Variants in SPOCK1 observed in about 807,000 individuals in gnomAD.
SPOCK1 encodes SPARC (osteonectin), cwcv and kazal like domains proteoglycan 1.
Under a neutral mutation model 55.3 loss-of-function variants are expected in SPOCK1, and 23 were observed. The ratio of observed to expected loss-of-function variants is 0.42; its 90% CI spans 0.30 to 0.59. The LOEUF (loss-of-function observed/expected upper bound fraction) is 0.59. Among genes scored for constraint, SPOCK1 ranks in the 20% least tolerant of loss-of-function variants. The pLI, the probability that SPOCK1 is intolerant of heterozygous loss-of-function variation, is 0.22. For synonymous variants in SPOCK1, 226 were observed against 221.0 expected (o/e 1.02, Z -0.20); for missense variants, 499 against 552.5 (o/e 0.90, Z 0.97).
chr5:137,362,486 C>T (rs1007015129), intron 2 of SPOCK1, among the ~76,000 whole-genome samples: 1 of 152,004 alleles, frequency 6.6e-6, no homozygotes, highest in Non-Finnish European at 1.5e-5. Context: ...CCCGCCACCA[C>T]GCCCGGCTAA....
At chr5:137,476,600 A>C (rs1325276365) in intron 2 of SPOCK1, among the ~76,000 whole-genome samples, 1 of 152,164 alleles carries the variant, frequency 6.6e-6, no homozygotes, top group Non-Finnish European at 1.5e-5. Flanking sequence ...GGGGCAGGGC[A>C]GGTGTGCAGC....
At chr5:137,100,552 C>T (rs1365656251) in intron 5 of SPOCK1, among the ~76,000 whole-genome samples, 4 of 152,206 alleles carry the variant, frequency 2.6e-5, no homozygotes, top group Non-Finnish European at 5.9e-5. Context: ...AGAAATACTT[C>T]TAATGAGCTC....
chr5:137,037,711 A>T (rs1751911038), intron 6 of SPOCK1, among the ~76,000 whole-genome samples: 1 of 151,960 alleles, frequency 6.6e-6, no homozygotes, highest in Non-Finnish European at 1.5e-5. Flanking sequence ...TCGCTAACCT[A>T]AAAAAAAGTT....
At chr5:137,218,616 C>A (rs4976344) in intron 3 of SPOCK1, among the ~76,000 whole-genome samples, 131,451 of 152,272 alleles carry the variant, frequency 0.86, 56,833 homozygotes, top group African/African-American at 0.91. Flanking sequence ...ATTTTATTCA[C>A]GCTTTGCTGG....
At chr5:137,442,736 A>G (rs1317187325) in intron 2 of SPOCK1, among the ~76,000 whole-genome samples, 1 of 152,274 alleles carries the variant, frequency 6.6e-6, no homozygotes. Context: ...GCCAACAAGG[A>G]AAACAACAGA....
intron 6 of SPOCK1, among the ~76,000 whole-genome samples, chr5:137,011,507 T>C (rs1288660576): frequency 2.0e-5 from 3 of 152,202 alleles, no homozygotes; most frequent in Non-Finnish European, 4.4e-5. Flanking sequence ...CAGCATGTTT[T>C]TCTCCCTAAG....
At chr5:137,167,389 T>C (rs1049987690) in intron 3 of SPOCK1, among the ~76,000 whole-genome samples, 8 of 151,942 alleles carry the variant, frequency 5.3e-5, no homozygotes, top group East Asian at 1.9e-4. Flanking sequence ...CACCCCAGTT[T>C]CAGCACTGGA....
At chr5:137,381,082 A>C (rs925007068) in intron 2 of SPOCK1, among the ~76,000 whole-genome samples, 1 of 152,190 alleles carries the variant, frequency 6.6e-6, no homozygotes, top group Non-Finnish European at 1.5e-5. Context: ...TTGGCCAAAA[A>C]AAAAAGTGGT....
intron 3 of SPOCK1, among the ~76,000 whole-genome samples, chr5:137,248,659 G>A (rs528468507): frequency 1.5e-4 from 23 of 152,262 alleles, no homozygotes; most frequent in Non-Finnish European, 2.6e-4. Flanking sequence ...CTCAGTTTCC[G>A]CATCCGCACA....
chr5:137,110,104 G>A (rs990759428), intron 5 of SPOCK1, among the ~76,000 whole-genome samples: 4 of 152,184 alleles, frequency 2.6e-5, no homozygotes, highest in African/African-American at 7.2e-5. Context: ...GAGCAAAAGG[G>A]GGCAGGCTCT....
chr5:137,476,404 A>G (rs1485071941), intron 2 of SPOCK1, among the ~76,000 whole-genome samples: 1 of 152,210 alleles, frequency 6.6e-6, no homozygotes, highest in African/African-American at 2.4e-5. Context: ...CATAGGTACT[A>G]TGTACTAAAA....
intron 5 of SPOCK1, among the ~76,000 whole-genome samples, chr5:137,075,798 C>G (rs1297795119): frequency 6.6e-6 from 1 of 152,346 alleles, no homozygotes; most frequent in East Asian, 1.9e-4. Context: ...CAGCAGGCTC[C>G]TGGCCCCTGC....
At chr5:137,244,538 G>A (rs890555492) in intron 3 of SPOCK1, among the ~76,000 whole-genome samples, 1 of 152,176 alleles carries the variant, frequency 6.6e-6, no homozygotes, top group Non-Finnish European at 1.5e-5. Flanking sequence ...ATTAATTTCT[G>A]ACAGAACTAT....
intron 2 of SPOCK1, among the ~76,000 whole-genome samples, chr5:137,273,657 C>T (rs978106615): frequency 6.6e-5 from 10 of 152,160 alleles, no homozygotes; most frequent in Admixed American, 1.3e-4. Context: ...TATATCATTG[C>T]TGCCGAACAG....
At chr5:137,274,333 C>T (rs1205027085) in intron 2 of SPOCK1, among the ~76,000 whole-genome samples, 2 of 152,194 alleles carry the variant, frequency 1.3e-5, no homozygotes, top group African/African-American at 4.8e-5. Flanking sequence ...ATACTGTAAA[C>T]ATGGCAGGCT....
intron 2 of SPOCK1, among the ~76,000 whole-genome samples, chr5:137,270,340 TAGAA>T (rs5871629): frequency 0.049 from 7,530 of 152,230 alleles, 284 homozygotes; most frequent in East Asian, 0.11. Flanking sequence ...TAAACCCAAA[TAGAA>T]AGATGCATAT....
intron 6 of SPOCK1, among the ~76,000 whole-genome samples, chr5:136,999,479 A>C (rs1751107925): frequency 6.6e-6 from 1 of 152,122 alleles, no homozygotes; most frequent in African/African-American, 2.4e-5. Context: ...AATGGTTTTG[A>C]AAGTGGAGAG....
At chr5:137,378,006 G>A (rs1751364659) in intron 2 of SPOCK1, among the ~76,000 whole-genome samples, 1 of 142,184 alleles carries the variant, frequency 7.0e-6, no homozygotes, top group Non-Finnish European at 1.5e-5. Flanking sequence ...GTGTAATGGT[G>A]CAATGTTGGC....
Position 136,988,402 on chromosome 5 carries a change from A to C in SPOCK1, c.928+20T>G, listed in dbSNP as rs756506425. On this transcript the variant is annotated intron_variant, in intron 8 of 10. Coordinates refer to ENST00000394945, the MANE Select transcript of SPOCK1 (RefSeq NM_004598.4). Reference sequence around the variant, plus strand: ...AAGGCTGCCCTGGGCTAGGGACCCCAACCCTCCATCCCACCTTACCTCCAG... The same window carrying C: ...AAGGCTGCCCTGGGCTAGGGACCCCCACCCTCCATCCCACCTTACCTCCAG... 3.1e-6 allele frequency: 5 copies of C among 1,608,534 alleles called. No homozygotes were observed. The East Asian group carries it at 1.1e-4, about 36-fold the overall frequency.
Sources: gnomAD v4.1 joint callset for allele counts (sites outside exome capture counted in the v4.1 genomes callset) on GRCh38, gnomAD v4.1.1 for gene constraint, MANE v1.5 for transcripts, NCBI Gene and HGNC (gene_info 2026-07-23, HGNC 2026-07-21) for gene names.